PCDH15: variants seen among roughly 807,000 people sequenced by gnomAD.
PCDH15 encodes protocadherin related 15.
In PCDH15, 129 loss-of-function variants were observed where a neutral mutation model predicts 178.5. The ratio of observed to expected loss-of-function variants is 0.72; its 90% CI spans 0.63 to 0.84. The LOEUF is 0.84. Ranked by LOEUF, PCDH15 falls within the 40% of genes least tolerant of loss-of-function variation. PCDH15 has a pLI of 0.00. For missense variants in PCDH15, 2,230 were observed against 2,099.9 expected, an observed-to-expected ratio of 1.06 and a Z score of -1.21; for synonymous variants, 800 against 732.0, an observed-to-expected ratio of 1.09 and a Z score of -1.50.
At chr10:54,023,336 A>G in intron 18 of PCDH15, 139 bp from the exon 19 acceptor site, 2 of 703,910 alleles carry the variant, frequency 2.8e-6, no homozygotes, top group Middle Eastern at 4.0e-4. Flanking sequence ...GACAATGACA[A>G]TACAATGCAA....
At chr10:53,840,223 T>C in intron 29 of PCDH15, 97 bp downstream of exon 29, 1 of 1,377,732 alleles carries the variant, frequency 7.3e-7, no homozygotes, top group Admixed American at 1.7e-5. Flanking sequence ...AACTATTTGG[T>C]GGGTTTTAAA....
chr10:53,841,594 A>T (rs2077649760), intron 28 of PCDH15, among the ~76,000 whole-genome samples: 1 of 152,208 alleles, frequency 6.6e-6, no homozygotes, highest in Admixed American at 6.5e-5. Context: ...AGGAGACACT[A>T]CCAATCATAG....
intron 2 of PCDH15, among the ~76,000 whole-genome samples, chr10:55,385,693 CTA>C (rs57143868): frequency 1.0e-3 from 130 of 128,686 alleles, no homozygotes; most frequent in South Asian, 2.4e-3. Flanking sequence ...CTTCCTCTGC[CTA>C]TATATATATA....
chr10:53,927,066 T>A (rs991333509), intron 25 of PCDH15, among the ~76,000 whole-genome samples: 1 of 151,982 alleles, frequency 6.6e-6, no homozygotes, highest in African/African-American at 2.4e-5. Context: ...GCCTCAAAAA[T>A]AAAGGGAACA....
rs544757414 is a variant in PCDH15, at chr10:54,132,192, G to A, written c.1917+683C>T. 3.3e-5 allele frequency among the ~76,000 whole-genome samples: 5 copies of A among 152,194 alleles called. No individual in the cohort carries two copies. The South Asian group carries it at 6.2e-4, about 19-fold the overall frequency. ...AGCAAAGTGAAAATATATCAACACC[G>A]TATTTAGCCCAACTTGAAGCTGCAT... On this transcript the variant is annotated intron_variant, in intron 15 of 37. Coordinates refer to ENST00000644397, the MANE Select transcript of PCDH15 (RefSeq NM_001384140.1).
chr10:55,341,603 C>G (rs567387464), intron 2 of PCDH15, among the ~76,000 whole-genome samples: 4 of 146,608 alleles, frequency 2.7e-5, no homozygotes, highest in South Asian at 4.4e-4. Flanking sequence ...CAGAGTCTCT[C>G]CCTGTCGCCT....
intron 13 of PCDH15, among the ~76,000 whole-genome samples, chr10:54,163,454 T>C (rs11004111): frequency 0.017 from 2,647 of 151,968 alleles, 86 homozygotes; most frequent in African/African-American, 0.061. Context: ...TTTTAAACCA[T>C]CAGCTCTCAT....
intron 2 of PCDH15, among the ~76,000 whole-genome samples, chr10:55,548,978 ATT>A: frequency 6.6e-6 from 1 of 152,300 alleles, no homozygotes; most frequent in South Asian, 2.1e-4. Context: ...TGTTTAACAC[ATT>A]TTATTAGAAA....
chr10:55,454,946 C>T (rs1274559674), intron 2 of PCDH15, among the ~76,000 whole-genome samples: 3 of 151,876 alleles, frequency 2.0e-5, no homozygotes, highest in Non-Finnish European at 4.4e-5. Flanking sequence ...CATATATACA[C>T]ACAAACACAC....
intron 8 of PCDH15, among the ~76,000 whole-genome samples, chr10:54,315,940 G>T (rs565335185): frequency 0.13 from 6,748 of 50,872 alleles, 459 homozygotes; most frequent in African/African-American, 0.3. Context: ...TGTTTTTTTT[G>T]TTTGTTTGTT....
intron 1 of PCDH15, among the ~76,000 whole-genome samples, chr10:55,279,712 A>G (rs74860410): frequency 0.017 from 2,522 of 152,296 alleles, 30 homozygotes; most frequent in East Asian, 0.042. Flanking sequence ...CAAAACATCA[A>G]TAGAAAGAGA....
chr10:54,132,901 C>A lies in PCDH15; in HGVS notation c.1891G>T (p.Val631Phe), dbSNP rs2133060549. 1.2e-6 allele frequency: 2 copies of A among 1,613,778 alleles called. No homozygotes were observed. The highest frequency in any genetic ancestry group is 8.5e-7 in the Non-Finnish European group (1 of 1,179,884). The change falls in exon 15 of 38, where the codon GTT becomes TTT. Residue 631 changes from valine to phenylalanine, a missense_variant. Coordinates refer to ENST00000644397, the MANE Select transcript of PCDH15 (RefSeq NM_001384140.1). ...TGTAGATTTAATAAAACAGCACCAA[C>A]CCTCATGGCTTCACTAATTTCAAGG... ...YSLEISEAMR[V>F]GAVLLNLQAT... is the part of the protein sequence containing the mutation.
intron 10 of PCDH15, among the ~76,000 whole-genome samples, chr10:54,202,639 C>A (rs551455178): frequency 6.6e-6 from 1 of 151,918 alleles, no homozygotes; most frequent in African/African-American, 2.4e-5. Flanking sequence ...GTAGAGAAAC[C>A]CTGTGTCTAC....
At chr10:54,515,126 T>C (rs79731692) in intron 3 of PCDH15, among the ~76,000 whole-genome samples, 1 of 152,240 alleles carries the variant, frequency 6.6e-6, no homozygotes, top group South Asian at 2.1e-4. Context: ...AGACAGTGGG[T>C]GCAGGACAGT....
chr10:54,822,224 T>C (rs766169342), intron 3 of PCDH15, among the ~76,000 whole-genome samples: 1 of 152,206 alleles, frequency 6.6e-6, no homozygotes, highest in Non-Finnish European at 1.5e-5. Context: ...TCAACCACAA[T>C]TGCCCTTCTG....
chr10:54,989,666 A>C (rs1839454447), intron 2 of PCDH15, among the ~76,000 whole-genome samples: 1 of 152,144 alleles, frequency 6.6e-6, no homozygotes, highest in Admixed American at 6.5e-5. Flanking sequence ...TGAAATGGGT[A>C]ATTTATTTAC....
chr10:55,201,203 C>T (rs1014681235), intron 1 of PCDH15, among the ~76,000 whole-genome samples: 1 of 152,042 alleles, frequency 6.6e-6, no homozygotes, highest in South Asian at 2.1e-4. Context: ...ATATCAGAAG[C>T]TACTTTTGTC....
At chr10:55,400,700 AC>A (rs1471738511) in intron 2 of PCDH15, among the ~76,000 whole-genome samples, 1 of 152,042 alleles carries the variant, frequency 6.6e-6, no homozygotes, top group Non-Finnish European at 1.5e-5. Context: ...TCTATTTAGT[AC>A]CCTTTTTTAA....
intron 26 of PCDH15, among the ~76,000 whole-genome samples, chr10:53,885,979 T>C (rs973338540): frequency 1.3e-5 from 2 of 152,170 alleles, no homozygotes; most frequent in African/African-American, 4.8e-5. Context: ...TATTCAGTTT[T>C]AAGGGCAAAG....
Sources: gnomAD v4.1 joint callset for allele counts (sites outside exome capture counted in the v4.1 genomes callset) on GRCh38, gnomAD v4.1.1 for gene constraint, MANE v1.5 for transcripts, NCBI Gene and HGNC (gene_info 2026-07-23, HGNC 2026-07-21) for gene names.